The following BTBD3 variants were observed in gnomAD, a reference collection of about 807,000 sequenced individuals.
BTBD3 encodes the protein BTB domain containing 3.
Under a neutral mutation model 41.6 loss-of-function variants are expected in BTBD3, and 14 were observed. The ratio of observed to expected loss-of-function variants is 0.34; its 90% CI spans 0.22 to 0.53. The LOEUF is 0.53. Among genes scored for constraint, BTBD3 ranks in the 20% least tolerant of loss-of-function variants. BTBD3 has a pLI of 0.95. For missense variants in BTBD3, 426 were observed against 654.7 expected (o/e 0.65, Z 3.81); for synonymous variants, 249 against 233.7 (o/e 1.07, Z -0.60).
chr20:11,913,058 A>G (rs2056898735), upstream of BTBD3, among the ~76,000 whole-genome samples: 1 of 152,208 alleles, frequency 6.6e-6, no homozygotes, highest in African/African-American at 2.4e-5. Context: ...AACTTACCAG[A>G]TTAAACTACT....
At chr20:11,904,868 T>C (rs1460797406) in intron 1 of BTBD3, among the ~76,000 whole-genome samples, 3 of 152,208 alleles carry the variant, frequency 2.0e-5, no homozygotes, top group African/African-American at 7.2e-5. Context: ...ATGAACGTTT[T>C]GTACTCTTGT....
rs1265280482 is a variant in BTBD3 at position 11,923,036 on chromosome 20, A to G, written c.939A>G (p.Leu313=). The part of the protein sequence containing the change: ...ALSIENKRKV[L]GKALYLIRIP... ...GCATTGAAAATAAACGCAAGGTTCT[A>G]GGAAAGGCACTTTACTTGATCCGCA... Residue 313 remains leucine (L), a synonymous_variant, in exon 4 of 4, where the codon CTA becomes CTG. Coordinates refer to ENST00000378226, the MANE Select transcript of BTBD3 (RefSeq NM_014962.4). This position sits in a 1 kb window ranked among gnomAD's most constrained non-coding sequence, Gnocchi z 5.3. 1 of 1,614,126 alleles carries G rather than the reference A, an allele frequency of 6.2e-7. No individual in the cohort carries two copies. The highest frequency in any genetic ancestry group is 1.1e-5 in the South Asian group (1 of 91,084).
At chr20:11,900,798 T>C (rs1263433585) in intron 1 of BTBD3, among the ~76,000 whole-genome samples, 1 of 151,424 alleles carries the variant, frequency 6.6e-6, no homozygotes, top group African/African-American at 2.4e-5. Flanking sequence ...AGCTCTGCCT[T>C]CTGGGTTCAC....
intron 1 of BTBD3, chr20:11,891,180 G>A (rs2746117): frequency 0.41 from 64,631 of 158,046 alleles, 14,111 homozygotes; most frequent in Middle Eastern, 0.44. Context: ...CTTTCCGAGG[G>A]GGGGGGGGTC....
intron 1 of BTBD3, among the ~76,000 whole-genome samples, chr20:11,897,268 CT>C (rs1169534595): frequency 1.3e-5 from 2 of 152,110 alleles, no homozygotes; most frequent in Non-Finnish European, 2.9e-5. Context: ...TCTCCAACTA[CT>C]TTTTTGACTT....
chr20:11,908,324 T>TTTTTTTTC (rs1431881151), intron 1 of BTBD3, among the ~76,000 whole-genome samples: 2 of 144,978 alleles, frequency 1.4e-5, no homozygotes, highest in African/African-American at 5.1e-5. Context: ...CTCTGTGGTT[T>TTTTTTTTC]TTTTTTTTTT....
At chr20:11,911,235 G>A (rs1027174095) in intron 1 of BTBD3, among the ~76,000 whole-genome samples, 1 of 152,122 alleles carries the variant, frequency 6.6e-6, no homozygotes, top group South Asian at 2.1e-4. Flanking sequence ...GCGAGGGTGG[G>A]GGAGGCACAA....
chr20:11,897,820 A>T (rs1421843459), intron 1 of BTBD3, among the ~76,000 whole-genome samples: 1 of 152,154 alleles, frequency 6.6e-6, no homozygotes, highest in African/African-American at 2.4e-5. Flanking sequence ...AGTGGCTTCC[A>T]TGTCACTCAG....
chr20:11,906,021 A>G (rs1403628806), intron 1 of BTBD3, among the ~76,000 whole-genome samples: 1 of 152,074 alleles, frequency 6.6e-6, no homozygotes, highest in Non-Finnish European at 1.5e-5. Flanking sequence ...ATATACTTTT[A>G]TGGCCAGTGA....
chr20:11,901,510 A>G (rs1214916201), intron 1 of BTBD3, among the ~76,000 whole-genome samples: 1 of 152,212 alleles, frequency 6.6e-6, no homozygotes, highest in Non-Finnish European at 1.5e-5. Flanking sequence ...TGATTTCAGC[A>G]CCTACTTAAT....
rs770831346 is a variant in BTBD3 at position 11,892,348 on chromosome 20, CCT to C, written c.-126+1395_-126+1396del. On this transcript the variant is annotated intron_variant, in intron 1 of 4. Coordinates refer to the BTBD3 transcript ENST00000254977. ...CCCTACTCAACCCTCTGCCAGATCC[CCT>C]GTTTTAACTTTAACCTGAGGGAGGA... is the stretch of plus-strand genomic sequence containing the variant. The C allele has an allele frequency of 2.6e-5, 4 of 152,342 alleles. No homozygotes were observed. The South Asian group carries it at 6.2e-4, about 24-fold the overall frequency. 9.4% of individuals were successfully genotyped at this position (152,342 alleles called of 1,614,324 possible). A position where few individuals can be genotyped will look rare whatever the true frequency, so the allele number is the denominator to read the frequency against.
At chr20:11,918,715 T>C (rs1351068134) in intron 1 of BTBD3, 114 bp downstream of exon 1, 9 of 1,162,518 alleles carry the variant, frequency 7.7e-6, no homozygotes, top group Non-Finnish European at 9.6e-6. Flanking sequence ...TCCCAGAAGC[T>C]TTTTATTGGT....
intron 3 of BTBD3, 25 bp from the exon 4 acceptor site, chr20:11,922,609 C>G: frequency 6.4e-7 from 1 of 1,570,764 alleles, no homozygotes; most frequent in Non-Finnish European, 8.6e-7. Flanking sequence ...GAAAATTCCA[C>G]TTACATGTTA....
chr20:11,890,831 G>T (rs2056744331), exon 1 of BTBD3: 8 of 985,190 alleles, frequency 8.1e-6, no homozygotes, highest in Non-Finnish European at 9.6e-6. Flanking sequence ...CGTGCCCTGC[G>T]TGCGGGTGCC....
intron 1 of BTBD3, among the ~76,000 whole-genome samples, chr20:11,901,797 G>T (rs6033256): frequency 0.73 from 110,961 of 152,022 alleles, 40,946 homozygotes; most frequent in Non-Finnish European, 0.78. Flanking sequence ...AATGGTGTTC[G>T]GTTTGGCTTA....
chr20:11,903,504 A>C (rs777657508), intron 1 of BTBD3, among the ~76,000 whole-genome samples: 1 of 152,202 alleles, frequency 6.6e-6, no homozygotes, highest in Non-Finnish European at 1.5e-5. Context: ...ATGTCAATTA[A>C]TATGATTTTG....
rs765107401 is a variant in BTBD3, at chr20:11,919,786, T to C, written c.486T>C (p.Asp162=). 3.7e-6 allele frequency: 6 copies of C among 1,614,094 alleles called. No individual in the cohort carries two copies. The African/African-American group carries it at 6.7e-5, about 18-fold the overall frequency. Residue 162 remains aspartate, a synonymous_variant, in exon 3 of 4, where the codon GAT becomes GAC. Coordinates refer to ENST00000378226, the MANE Select transcript of BTBD3 (RefSeq NM_014962.4). ...ACGGAGAACTTGCAGAGGACAAAGA[T>C]GAAATCCGTATACCAGATGTCGAAC... ...MFYGELAEDK[D]EIRIPDVEPA...
chr20:11,906,024 G>A (rs1279197739), intron 1 of BTBD3, among the ~76,000 whole-genome samples: 1 of 151,960 alleles, frequency 6.6e-6, no homozygotes, highest in Non-Finnish European at 1.5e-5. Flanking sequence ...TACTTTTATG[G>A]CCAGTGAATT....
rs1362003924 is a variant in BTBD3, at chr20:11,924,071, C to CT, written c.*407dup. 1.2e-5 allele frequency: 2 copies of CT among 164,610 alleles called. No individual in the cohort carries two copies. The highest frequency in any genetic ancestry group is 5.8e-5 in the Admixed American group (1 of 17,172). 10.2% of individuals were successfully genotyped at this position (164,610 alleles called of 1,614,324 possible). ...AGAGTTATTTTTAAACAGAACTCCT[C>CT]TTACCCCCCAAAACAGATAAACCTC... On this transcript the variant is annotated 3_prime_UTR_variant, in exon 4 of 4. Coordinates refer to ENST00000378226, the MANE Select transcript of BTBD3 (RefSeq NM_014962.4).
Sources: gnomAD v4.1 joint callset for allele counts (sites outside exome capture counted in the v4.1 genomes callset) on GRCh38, gnomAD v4.1.1 for gene constraint, Gnocchi (gnomAD v3.1) non-coding constraint, MANE v1.5 for transcripts, NCBI Gene and HGNC (gene_info 2026-07-23, HGNC 2026-07-21) for gene names.